The following ATF6 variants were observed in gnomAD, a reference collection of about 807,000 sequenced individuals.
The protein encoded by ATF6 is cyclic AMP-dependent transcription factor ATF-6 alpha.
A neutral mutation model predicts 83.6 loss-of-function variants in ATF6; 53 were observed. The ratio of observed to expected loss-of-function variants is 0.63; its 90% CI spans 0.51 to 0.80. The LOEUF is 0.80. Ranked by LOEUF, ATF6 falls within the 30% of genes least tolerant of loss-of-function variation. ATF6 has a pLI of 0.00. For missense variants in ATF6, 744 were observed against 797.9 expected (o/e 0.93, Z 0.81); for synonymous variants, 288 against 285.8 (o/e 1.01, Z -0.08).
In ATF6 at chr1:161,832,660, A is replaced by G. The variant is rs538872733; in HGVS notation, c.1187+11499A>G. ...CACCCACAGAGCCTCGCTCATTGCTAGCACAGCAGTCTGAGATCAAACTGC... is the reference window on the plus strand; with the variant it reads ...CACCCACAGAGCCTCGCTCATTGCTGGCACAGCAGTCTGAGATCAAACTGC... On this transcript the variant is annotated intron_variant, in intron 9 of 15. Transcript: ENST00000367942. 9.8e-5 allele frequency among the ~76,000 whole-genome samples: 15 copies of G among 152,356 alleles called. No homozygotes were observed. The East Asian group carries it at 1.5e-3, about 16-fold the overall frequency.
chr1:161,945,728 T>G (rs188810316), intron 15 of ATF6, among the ~76,000 whole-genome samples: 17 of 152,368 alleles, frequency 1.1e-4, no homozygotes, highest in Admixed American at 6.5e-5. Context: ...GTATTTTTCT[T>G]CCATATGTAT....
At chr1:161,922,707 A>G (rs1419815944) in intron 15 of ATF6, among the ~76,000 whole-genome samples, 3 of 151,894 alleles carry the variant, frequency 2.0e-5, no homozygotes, top group African/African-American at 7.3e-5. Context: ...GGGAGCAACA[A>G]GAGAGCAGAG....
chr1:161,860,879 G>A (rs1448829993), intron 13 of ATF6, among the ~76,000 whole-genome samples: 1 of 152,114 alleles, frequency 6.6e-6, no homozygotes, highest in Non-Finnish European at 1.5e-5. Context: ...TGTATCTACA[G>A]GTTTAAATGT....
chr1:161,938,870 A>G lies in ATF6; in HGVS notation c.1805-19576A>G, dbSNP rs74125048. Reference sequence around the variant, plus strand: ...AAAACTTTTCATTGCAGTGGGTTTGATAATAATAGTGCTCACTTTTAAAAA... The same window carrying G: ...AAAACTTTTCATTGCAGTGGGTTTGGTAATAATAGTGCTCACTTTTAAAAA... On this transcript the variant is annotated intron_variant, in intron 15 of 15. Transcript: ENST00000367942. Among the ~76,000 whole-genome samples, 563 of 152,206 alleles carry G rather than the reference A, an allele frequency of 3.7e-3. 8 individuals carry two copies. Among genetic ancestry groups the G allele is most frequent in the African/African-American group, 0.013 (532 of 41,470 alleles).
chr1:161,947,838 T>TTTTTG (rs1558036949), intron 15 of ATF6, among the ~76,000 whole-genome samples: 1 of 80,432 alleles, frequency 1.2e-5, no homozygotes, highest in African/African-American at 3.9e-5. Context: ...TTTTTTTTTT[T>TTTTTG]TTTGAGATGG....
intron 15 of ATF6, among the ~76,000 whole-genome samples, chr1:161,956,508 T>C (rs1347600291): frequency 6.6e-6 from 1 of 152,216 alleles, no homozygotes; most frequent in Non-Finnish European, 1.5e-5. Flanking sequence ...CTTATAGACT[T>C]TCAGATTTAT....
intron 9 of ATF6, among the ~76,000 whole-genome samples, chr1:161,845,722 G>C (rs1686468173): frequency 6.7e-6 from 1 of 149,824 alleles, no homozygotes; most frequent in Admixed American, 6.7e-5. Flanking sequence ...GCTTCAGTGA[G>C]CTGTGATTGT....
chr1:161,921,588 G>C (rs1688213173), intron 15 of ATF6, among the ~76,000 whole-genome samples: 1 of 152,200 alleles, frequency 6.6e-6, no homozygotes, highest in Admixed American at 6.5e-5. Flanking sequence ...CCATGATTTT[G>C]AGACCAGACC....
At chr1:161,898,995 G>A (rs201634522) in intron 14 of ATF6, among the ~76,000 whole-genome samples, 1 of 152,138 alleles carries the variant, frequency 6.6e-6, no homozygotes, top group East Asian at 1.9e-4. Context: ...ACCAAACCTG[G>A]ATGAAACTAA....
chr1:161,929,727 G>A (rs1688393900), intron 15 of ATF6, among the ~76,000 whole-genome samples: 1 of 152,188 alleles, frequency 6.6e-6, no homozygotes, highest in African/African-American at 2.4e-5. Flanking sequence ...AATATGGTGA[G>A]TTTGGCCTTA....
chr1:161,787,346 G>A (rs760092122), intron 4 of ATF6, among the ~76,000 whole-genome samples: 11 of 152,038 alleles, frequency 7.2e-5, no homozygotes, highest in African/African-American at 1.7e-4. Context: ...ATTATAATCC[G>A]TTACTATAAT....
chr1:161,811,889 G>T (rs775710769), intron 7 of ATF6, among the ~76,000 whole-genome samples: 7 of 152,150 alleles, frequency 4.6e-5, no homozygotes, highest in Non-Finnish European at 7.4e-5. Flanking sequence ...CTAAGACTAG[G>T]TACATTCTTT....
chr1:161,841,280 A>G (rs1271411564), intron 9 of ATF6, among the ~76,000 whole-genome samples: 1 of 152,208 alleles, frequency 6.6e-6, no homozygotes, highest in Non-Finnish European at 1.5e-5. Flanking sequence ...TCAGATGTTA[A>G]TAAAAATAAG....
chr1:161,784,175 A>G lies in ATF6; in HGVS notation c.354+79A>G, dbSNP rs957986596. Reference sequence around the variant, plus strand: ...TATGTATATGGAGGAGGCAGTTAACATTTATTGAATACTACTATGAGTTAT... The same window carrying G: ...TATGTATATGGAGGAGGCAGTTAACGTTTATTGAATACTACTATGAGTTAT... On this transcript the variant is annotated intron_variant, in intron 4 of 15. Coordinates refer to ENST00000367942, the MANE Select transcript of ATF6 (RefSeq NM_007348.4). The G allele has an allele frequency of 4.2e-6, 4 of 941,964 alleles. No individual in the cohort carries two copies. The South Asian group carries it at 5.5e-5, about 13-fold the overall frequency. 58.4% of individuals were successfully genotyped at this position (941,964 alleles called of 1,614,324 possible). A position where few individuals can be genotyped will look rare whatever the true frequency, so the allele number is the denominator to read the frequency against.
At chr1:161,774,648 C>G (rs542146855) in intron 1 of ATF6, among the ~76,000 whole-genome samples, 94 of 152,242 alleles carry the variant, frequency 6.2e-4, no homozygotes, top group Middle Eastern at 3.4e-3. Flanking sequence ...AGTGTATACT[C>G]TCTATCCTCC....
intron 15 of ATF6, among the ~76,000 whole-genome samples, chr1:161,916,608 A>T (rs529873896): frequency 2.1e-3 from 323 of 152,310 alleles, no homozygotes; most frequent in African/African-American, 7.5e-3. Flanking sequence ...AATATTCTTT[A>T]TAACTTTTTG....
intron 14 of ATF6, among the ~76,000 whole-genome samples, chr1:161,911,428 T>G (rs982194214): frequency 2.0e-5 from 3 of 152,252 alleles, no homozygotes; most frequent in Non-Finnish European, 2.9e-5. Context: ...TTCAAAACAC[T>G]TATACTCTGC....
At chr1:161,796,668 T>C (rs191701848) in intron 6 of ATF6, among the ~76,000 whole-genome samples, 3 of 152,366 alleles carry the variant, frequency 2.0e-5, no homozygotes, top group Admixed American at 2.0e-4. Flanking sequence ...TTCCATCATG[T>C]ATTTTCTCAG....
At chr1:161,953,356 C>T (rs1688904684) in intron 15 of ATF6, among the ~76,000 whole-genome samples, 1 of 152,150 alleles carries the variant, frequency 6.6e-6, no homozygotes, top group African/African-American at 2.4e-5. Flanking sequence ...ACCCTTCAAT[C>T]ATCATGACCA....
Sources: gnomAD v4.1 joint callset for allele counts (sites outside exome capture counted in the v4.1 genomes callset) on GRCh38, gnomAD v4.1.1 for gene constraint, MANE v1.5 for transcripts, NCBI Gene and HGNC (gene_info 2026-07-23, HGNC 2026-07-21) for gene names.